PCDHA12: variants seen among roughly 807,000 people sequenced by gnomAD.
PCDHA12 encodes the protein protocadherin alpha-12.
PCDHA12 carries 44 observed loss-of-function variants against 60.0 expected under a neutral mutation model. That is an observed-to-expected ratio of 0.73 (90% CI 0.58 to 0.94). PCDHA12 has a LOEUF of 0.94. Ranked by LOEUF, PCDHA12 falls within the 40% of genes least tolerant of loss-of-function variation. The pLI is 0.00. For missense variants in PCDHA12, 1,276 were observed against 1,239.7 expected, an observed-to-expected ratio of 1.03 and a Z score of -0.44; for synonymous variants, 569 against 553.0, an observed-to-expected ratio of 1.03 and a Z score of -0.40.
At chr5:140,968,969 A>C in intron 1 of PCDHA12, 2 of 1,614,230 alleles carry the variant, frequency 1.2e-6, no homozygotes. Flanking sequence ...CTACCGCTAC[A>C]CTGCGTATGG....
rs530482397 is a variant in PCDHA12, at chr5:140,923,460, T to C, written c.2367+45621T>C. ...GGAGGATCACCTGAGCCCAGAGAGG[T>C]AGGGGCTGCAGTGAGCCATCTTCAC... On this transcript the variant is annotated intron_variant, in intron 1 of 3. Coordinates refer to ENST00000398631, the MANE Select transcript of PCDHA12 (RefSeq NM_018903.4). Among the ~76,000 whole-genome samples, 704 of 151,994 alleles carry C rather than the reference T, an allele frequency of 4.6e-3. 3 individuals carry two copies. Among genetic ancestry groups the C allele is most frequent in the African/African-American group, 0.016 (681 of 41,446 alleles).
intron 1 of PCDHA12, chr5:140,884,066 G>T (rs2059975136): frequency 6.2e-7 from 1 of 1,613,514 alleles, no homozygotes; most frequent in Non-Finnish European, 8.5e-7. Context: ...GGTGGACGCC[G>T]ATTCGGGCTA....
rs559093543 is a variant in PCDHA12 at position 140,936,623 on chromosome 5, A to G, written c.2368-42326A>G. Among the ~76,000 whole-genome samples, 3 of 152,312 alleles carry G rather than the reference A, an allele frequency of 2.0e-5. No individual in the cohort carries two copies. The East Asian group carries it at 5.8e-4, about 29-fold the overall frequency. On this transcript the variant is annotated intron_variant, in intron 1 of 3. Transcript: ENST00000398631. ...TTCCTCGCTGCTACTGTGCAGTGCT[A>G]CCTTTGTCATAAGCAACGTGACTTT...
chr5:140,913,558 G>T (rs1042223174), intron 1 of PCDHA12, among the ~76,000 whole-genome samples: 5 of 151,668 alleles, frequency 3.3e-5, no homozygotes, highest in Admixed American at 3.3e-4. Flanking sequence ...TTGATCTCTT[G>T]TATTTTCATC....
chr5:140,876,653 C>T lies in PCDHA12; in HGVS notation c.1181C>T (p.Pro394Leu), dbSNP rs781890773. 8 of 1,614,082 alleles carry T rather than the reference C, an allele frequency of 5.0e-6. No homozygotes were observed. Among genetic ancestry groups the T allele is most frequent in the Non-Finnish European group, 6.8e-6 (8 of 1,180,040 alleles). Residue 394 changes from proline to leucine, a missense_variant, in exon 1 of 4, where the codon CCC becomes CTC. By Grantham distance (98) the Pro-to-Leu change is moderately conservative. Transcript: ENST00000398631. ...QVICSLTPHV[P>L]FKLVSTYKNY... ...ATCTGCTCACTGACACCTCATGTTC[C>T]CTTCAAGCTGGTGTCCACCTACAAG...
At chr5:140,938,719 T>A (rs1484492024) in intron 1 of PCDHA12, among the ~76,000 whole-genome samples, 2 of 152,098 alleles carry the variant, frequency 1.3e-5, no homozygotes, top group African/African-American at 4.8e-5. Context: ...TAGAAACGCG[T>A]TTCTACAGAA....
In PCDHA12 at chr5:140,877,135, G is replaced by A. The variant is rs1554169356; in HGVS notation, c.1663G>A (p.Val555Met). The change falls in exon 1 of 4, where the codon GTG becomes ATG. Residue 555 changes from valine (V) to methionine (M), a missense_variant. Physicochemically the swap from Val to Met is conservative, Grantham distance 21. Coordinates refer to ENST00000398631, the MANE Select transcript of PCDHA12 (RefSeq NM_018903.4). ...LGSNVTLQVF[V>M]LDENDNAPAL... ...CAGCAACGTGACGCTGCAGGTGTTC[G>A]TGCTGGACGAGAACGACAACGCGCC... The A allele has an allele frequency of 2.5e-6, 4 of 1,613,790 alleles. No homozygotes were observed. The highest frequency in any genetic ancestry group is 3.4e-6 in the Non-Finnish European group (4 of 1,179,866).
At chr5:140,998,054 A>G (rs562918919) in intron 3 of PCDHA12, among the ~76,000 whole-genome samples, 37 of 152,304 alleles carry the variant, frequency 2.4e-4, no homozygotes, top group African/African-American at 8.9e-4. Flanking sequence ...CAGTGACATC[A>G]TCATCAACAG....
chr5:140,992,841 A>G (rs1351149915), intron 3 of PCDHA12, among the ~76,000 whole-genome samples: 2 of 152,188 alleles, frequency 1.3e-5, no homozygotes, highest in African/African-American at 2.4e-5. Flanking sequence ...AACATTTTGT[A>G]TAACAACCAG....
intron 1 of PCDHA12, chr5:140,928,773 T>A: frequency 6.2e-7 from 1 of 1,614,164 alleles, no homozygotes; most frequent in Non-Finnish European, 8.5e-7. Context: ...TTCTTCCCAC[T>A]GATGCAGTTA....
At chr5:141,002,485 C>T (rs1287282223) in intron 3 of PCDHA12, among the ~76,000 whole-genome samples, 2 of 152,154 alleles carry the variant, frequency 1.3e-5, no homozygotes, top group Non-Finnish European at 2.9e-5. Flanking sequence ...AAAGGATGAC[C>T]TTGTTATACA....
At chr5:141,002,676 T>C (rs2098090585) in intron 3 of PCDHA12, among the ~76,000 whole-genome samples, 1 of 152,196 alleles carries the variant, frequency 6.6e-6, no homozygotes, top group Non-Finnish European at 1.5e-5. Context: ...CCAAAACCTA[T>C]ACGACGTGCA....
Position 141,010,327 on chromosome 5 carries a change from G to T in PCDHA12, c.*390G>T, listed in dbSNP as rs2098416942. 5 of 1,539,742 alleles carry T rather than the reference G, an allele frequency of 3.2e-6. No individual in the cohort carries two copies. The highest frequency in any genetic ancestry group is 2.4e-5 in the South Asian group (2 of 82,532). On this transcript the variant is annotated 3_prime_UTR_variant, in exon 4 of 4. Transcript: ENST00000398631. ...AAAGTTTTGAGATTGAGCAGCTTGGGAGTTTGTGGCCACTGGGTATGTGTG... is the reference window on the plus strand; with the variant it reads ...AAAGTTTTGAGATTGAGCAGCTTGGTAGTTTGTGGCCACTGGGTATGTGTG...
intron 1 of PCDHA12, among the ~76,000 whole-genome samples, chr5:140,947,689 G>A (rs1276078725): frequency 2.0e-5 from 3 of 151,490 alleles, no homozygotes; most frequent in African/African-American, 4.8e-5. Context: ...GTCTCAGCAT[G>A]TTCTGTAGTT....
At chr5:141,000,379 C>G (rs1286955585) in intron 3 of PCDHA12, among the ~76,000 whole-genome samples, 6 of 60,366 alleles carry the variant, frequency 9.9e-5, no homozygotes, top group South Asian at 5.4e-4. Context: ...CTCTCTCTCT[C>G]TCTCTCTCTC....
rs375705333 is a variant in PCDHA12 at position 140,927,955 on chromosome 5, C to T, written c.2367+50116C>T. On this transcript the variant is annotated intron_variant, in intron 1 of 3. Coordinates refer to ENST00000398631, the MANE Select transcript of PCDHA12 (RefSeq NM_018903.4). ...GAACCCAGTACCTGAGGACGCTGCC[C>T]CTGGCACAGTGATTGCTCTCTTTAG... 34 of 1,614,198 alleles carry T rather than the reference C, an allele frequency of 2.1e-5. 1 individual carries two copies. In the Middle Eastern group the frequency reaches 9.9e-4, roughly 47 times the overall value.
chr5:140,921,377 T>C (rs1368330420), intron 1 of PCDHA12, among the ~76,000 whole-genome samples: 2 of 152,172 alleles, frequency 1.3e-5, no homozygotes, highest in Non-Finnish European at 2.9e-5. Flanking sequence ...TATTTCTACA[T>C]ATTTGATAAA....
At chr5:140,974,804 A>G (rs2096641388) in intron 1 of PCDHA12, among the ~76,000 whole-genome samples, 1 of 152,204 alleles carries the variant, frequency 6.6e-6, no homozygotes, top group Non-Finnish European at 1.5e-5. Context: ...TTGATATACT[A>G]GAAGACCAAT....
intron 1 of PCDHA12, chr5:140,928,635 A>T (rs148091714): frequency 1.6e-4 from 258 of 1,614,104 alleles, no homozygotes; most frequent in Non-Finnish European, 2.1e-4. Flanking sequence ...ACTTGGTCAC[A>T]AAAGTGGTAG....
Sources: gnomAD v4.1 joint callset for allele counts (sites outside exome capture counted in the v4.1 genomes callset) on GRCh38, gnomAD v4.1.1 for gene constraint, MANE v1.5 for transcripts, NCBI Gene and HGNC (gene_info 2026-07-23, HGNC 2026-07-21) for gene names.